ARHGAP10: variants seen among roughly 807,000 people sequenced by gnomAD.
The protein encoded by ARHGAP10 is rho GTPase-activating protein 10.
In ARHGAP10, 87 loss-of-function variants were observed where a neutral mutation model predicts 108.6. The observed-to-expected ratio is 0.80, with a 90% CI of 0.67 to 0.96. ARHGAP10 has a LOEUF of 0.96. Ranked by LOEUF, ARHGAP10 falls within the 40% of genes least tolerant of loss-of-function variation. The pLI, the probability that ARHGAP10 is intolerant of heterozygous loss-of-function variation, is 0.00. For synonymous variants in ARHGAP10, 347 were observed against 341.1 expected, an observed-to-expected ratio of 1.02 and a Z score of -0.19; for missense variants, 939 against 954.5, an observed-to-expected ratio of 0.98 and a Z score of 0.21.
At chr4:147,857,072 G>A (rs927453379) in intron 4 of ARHGAP10, among the ~76,000 whole-genome samples, 10 of 152,068 alleles carry the variant, frequency 6.6e-5, no homozygotes, top group African/African-American at 2.2e-4. Context: ...GGCTGGTCTC[G>A]AACTCCTGAC....
At chr4:147,777,586 C>T (rs1198701782) in intron 1 of ARHGAP10, among the ~76,000 whole-genome samples, 17 of 152,074 alleles carry the variant, frequency 1.1e-4, no homozygotes, top group Admixed American at 2.6e-4. Flanking sequence ...GTTGACCTCA[C>T]GTTGAACCTA....
intron 1 of ARHGAP10, among the ~76,000 whole-genome samples, chr4:147,765,007 C>G (rs891888940): frequency 1.3e-5 from 2 of 152,150 alleles, no homozygotes; most frequent in African/African-American, 2.4e-5. Context: ...TACAAGTAAT[C>G]TTGCATAAGT....
At chr4:148,024,268 G>A (rs1741684415) in intron 19 of ARHGAP10, among the ~76,000 whole-genome samples, 1 of 152,206 alleles carries the variant, frequency 6.6e-6, no homozygotes, top group South Asian at 2.1e-4. Flanking sequence ...GAATTTGAAA[G>A]TAGTCTTCAT....
chr4:147,959,788 C>T (rs1040314714), intron 16 of ARHGAP10, among the ~76,000 whole-genome samples: 1 of 152,124 alleles, frequency 6.6e-6, no homozygotes, highest in African/African-American at 2.4e-5. Flanking sequence ...AAAATCAATT[C>T]CACTATTTTA....
intron 18 of ARHGAP10, among the ~76,000 whole-genome samples, chr4:147,991,961 G>A (rs978119708): frequency 6.6e-6 from 1 of 152,174 alleles, no homozygotes; most frequent in Non-Finnish European, 1.5e-5. Context: ...GGTGAAGTGC[G>A]AATTGTCAGC....
At chr4:147,827,938 G>A (rs1579089628) in intron 3 of ARHGAP10, among the ~76,000 whole-genome samples, 1 of 151,846 alleles carries the variant, frequency 6.6e-6, no homozygotes. Flanking sequence ...CCTGAGTAGC[G>A]GGGACTACAG....
chr4:147,956,112 A>G (rs1364524041), intron 16 of ARHGAP10, among the ~76,000 whole-genome samples: 1 of 152,176 alleles, frequency 6.6e-6, no homozygotes, highest in African/African-American at 2.4e-5. Flanking sequence ...TTGCCAGATT[A>G]TAGGGAGCCT....
chr4:147,866,642 G>GT, intron 6 of ARHGAP10, 70 bp from the exon 7 acceptor site: 1 of 1,136,382 alleles, frequency 8.8e-7, no homozygotes, highest in Non-Finnish European at 1.3e-6. Flanking sequence ...GGAACACTTG[G>GT]TTGTTTATAT....
At chr4:147,848,451 G>T (rs76424856) in intron 4 of ARHGAP10, among the ~76,000 whole-genome samples, 8 of 152,132 alleles carry the variant, frequency 5.3e-5, no homozygotes, top group Non-Finnish European at 8.8e-5. Context: ...TCACTTCTGC[G>T]ACCTTGACTA....
intron 13 of ARHGAP10, among the ~76,000 whole-genome samples, chr4:147,913,633 T>G (rs937161481): frequency 1.3e-5 from 2 of 152,156 alleles, no homozygotes; most frequent in Non-Finnish European, 2.9e-5. Flanking sequence ...GCCTATTAGA[T>G]TAGGGCCCAC....
At position 148,046,925 on chromosome 4, in the gene ARHGAP10, C is replaced by T. The variant is rs1475325314; in HGVS notation, c.1901C>T (p.Pro634Leu). Residue 634 changes from proline (P) to leucine (L), a missense_variant, in exon 20 of 23, where the codon CCT (proline) becomes CTT (leucine). Physicochemically the swap from Pro to Leu is moderately conservative, Grantham distance 98. Transcript: ENST00000336498. ...CCTTACCCTTCCAAGGAGGACACCC[C>T]TACCAGCAGTCTGGACTCACTTTCC... is the stretch of plus-strand genomic sequence containing the variant. ...DNPYPSKEDT[P>L]TSSLDSLSSP... The T allele has an allele frequency of 8.7e-6, 14 of 1,614,036 alleles. No homozygotes were observed. The highest frequency in any genetic ancestry group is 1.1e-5 in the Non-Finnish European group (13 of 1,180,026).
chr4:147,857,614 T>A lies in ARHGAP10; in HGVS notation c.446T>A (p.Leu149Ter), dbSNP rs749110320. The A allele has an allele frequency of 6.7e-7, 1 of 1,499,370 alleles. No individual in the cohort carries two copies. Among genetic ancestry groups the A allele is most frequent in the Non-Finnish European group, 8.9e-7 (1 of 1,127,038 alleles). 92.9% of individuals were successfully genotyped at this position (1,499,370 alleles called of 1,614,324 possible). Residue 149 changes from leucine (L) to a stop codon, truncating the protein, a stop_gained, in exon 5 of 23, where the codon TTG (leucine) becomes TAG (stop). Coordinates refer to ENST00000336498, the MANE Select transcript of ARHGAP10 (RefSeq NM_024605.4). LOFTEE classifies it high-confidence loss of function. Reference sequence around the variant, plus strand: ...AATTATAGTCTAATTGATAAACATTTGAATTTATCAGCAAAAAAGAAAGAC... The same window carrying A: ...AATTATAGTCTAATTGATAAACATTAGAATTTATCAGCAAAAAAGAAAGAC... ...EKNYSLIDKH[L>*]NLSAKKKDSH...
At chr4:147,978,944 G>C (rs898299459) in intron 18 of ARHGAP10, among the ~76,000 whole-genome samples, 1 of 152,028 alleles carries the variant, frequency 6.6e-6, no homozygotes, top group Admixed American at 6.6e-5. Flanking sequence ...GTTCCTTATA[G>C]ATTCTGGAAA....
chr4:148,039,544 C>T (rs1728540528), intron 19 of ARHGAP10, among the ~76,000 whole-genome samples: 1 of 151,698 alleles, frequency 6.6e-6, no homozygotes. Context: ...CAGTGATCTG[C>T]CCACCTCTAC....
At chr4:147,946,356 A>G (rs1738379032) in intron 14 of ARHGAP10, 3 of 379,952 alleles carry the variant, frequency 7.9e-6, no homozygotes, top group Non-Finnish European at 1.4e-5. Context: ...GAAATAATAT[A>G]CTATGTCTAA....
At chr4:147,747,238 A>G (rs1175277724) in intron 1 of ARHGAP10, among the ~76,000 whole-genome samples, 1 of 152,042 alleles carries the variant, frequency 6.6e-6, no homozygotes, top group Non-Finnish European at 1.5e-5. Context: ...GGATGTCTAC[A>G]GGGAATAAAA....
At chr4:147,936,317 C>CTTTTTTTTTTTT (rs765432394) in intron 13 of ARHGAP10, among the ~76,000 whole-genome samples, 1 of 97,852 alleles carries the variant, frequency 1.0e-5, no homozygotes, top group Non-Finnish European at 1.9e-5. Flanking sequence ...CTTTTCCTCT[C>CTTTTTTTTTTTT]TTTTTTTTTT....
intron 3 of ARHGAP10, among the ~76,000 whole-genome samples, chr4:147,830,712 G>T (rs1017008751): frequency 6.6e-6 from 1 of 151,984 alleles, no homozygotes; most frequent in African/African-American, 2.4e-5. Context: ...TAGAGACGGG[G>T]TTTCACCTTG....
intron 18 of ARHGAP10, among the ~76,000 whole-genome samples, chr4:147,977,283 G>A (rs1262015372): frequency 6.6e-6 from 1 of 152,170 alleles, no homozygotes; most frequent in Non-Finnish European, 1.5e-5. Flanking sequence ...ATGAGAGGGC[G>A]AGTGTGGTGG....
Sources: allele counts gnomAD v4.1 joint callset (sites outside exome capture counted in the v4.1 genomes callset), GRCh38; gene constraint gnomAD v4.1.1; transcripts MANE v1.5; gene names NCBI Gene and HGNC (gene_info 2026-07-23, HGNC 2026-07-21).